The following NCAPH variants were observed in gnomAD, a reference collection of about 807,000 sequenced individuals.
The protein encoded by NCAPH is non-SMC condensin I complex subunit H, also known as condensin complex subunit 2.
In NCAPH, 38 loss-of-function variants were observed where a neutral mutation model predicts 85.5. The observed-to-expected ratio is 0.44, with a 90% CI of 0.34 to 0.58. The LOEUF is 0.58. Among genes scored for constraint, NCAPH ranks in the 20% least tolerant of loss-of-function variants. The pLI is 0.01. For synonymous variants in NCAPH, 301 were observed against 335.1 expected (o/e 0.90, Z 1.11); for missense variants, 789 against 916.6 (o/e 0.86, Z 1.80).
chr2:96,368,983 G>T lies in NCAPH; in HGVS notation c.2010G>T (p.Arg670Ser), dbSNP rs1277291110. 1.9e-6 allele frequency: 3 copies of T among 1,554,300 alleles called. No homozygotes were observed. In the Admixed American group the frequency reaches 5.9e-5, roughly 30 times the overall value. ...TGTGCTTCTGTTAGGCAAACCACAG[G>T]GAAGCTGGAAAAGAAGCGGCCCTGG... The part of the protein sequence containing the change: ...GKEADAEANH[R>S]EAGKEAALAE... The change falls in exon 16 of 18, where the codon AGG becomes AGT. Residue 670 changes from arginine to serine, a missense_variant. By Grantham distance (110) the Arg-to-Ser change is moderately radical (BLOSUM62 -1). Coordinates refer to ENST00000240423, the MANE Select transcript of NCAPH (RefSeq NM_015341.5).
chr2:96,357,458 C>T (rs1046935176), intron 9 of NCAPH, among the ~76,000 whole-genome samples: 3 of 152,122 alleles, frequency 2.0e-5, no homozygotes, highest in Admixed American at 2.0e-4. Context: ...TACTACAGTT[C>T]AAAAATCCTG....
rs555923218 is a variant in NCAPH at position 96,367,352 on chromosome 2, C to T, written c.1977C>T (p.Ser659=). 33 of 1,613,152 alleles carry T rather than the reference C, an allele frequency of 2.0e-5. No individual in the cohort carries two copies. In the South Asian group the frequency reaches 2.2e-4, roughly 11 times the overall value. ...QSMWSLLTAL[S]GKEADAEANH... ...TGTGGAGTCTGCTGACAGCGCTCTC[C>T]GGAAAGGAGGCAGATGCAGAGGTCA... Residue 659 remains serine (S), a synonymous_variant, in exon 15 of 18, where the codon TCC becomes TCT. Transcript: ENST00000240423.
chr2:96,365,772 A>G, intron 13 of NCAPH, 104 bp from the exon 14 acceptor site: 1 of 1,147,684 alleles, frequency 8.7e-7, no homozygotes, highest in Admixed American at 1.9e-5. Flanking sequence ...TGAGTGAACC[A>G]TCAGATGGTC....
chr2:96,339,308 T>C (rs2064259138), intron 1 of NCAPH, among the ~76,000 whole-genome samples: 1 of 152,114 alleles, frequency 6.6e-6, no homozygotes, highest in African/African-American at 2.4e-5. Flanking sequence ...GTAGAAGTCT[T>C]TGGGCAGGGC....
intron 7 of NCAPH, 130 bp downstream of exon 7, chr2:96,352,150 C>G (rs1016576099): frequency 3.2e-6 from 3 of 923,536 alleles, no homozygotes; most frequent in African/African-American, 1.7e-5. Context: ...CTCTGGAATG[C>G]CAAATTGTGT....
chr2:96,350,351 G>A (rs1397754653), intron 6 of NCAPH, among the ~76,000 whole-genome samples: 1 of 152,216 alleles, frequency 6.6e-6, no homozygotes, highest in African/African-American at 2.4e-5. Flanking sequence ...CAATTTCCAT[G>A]TTGGCTCTGA....
At chr2:96,372,455 C>T (rs1328493816) in intron 17 of NCAPH, among the ~76,000 whole-genome samples, 1 of 152,122 alleles carries the variant, frequency 6.6e-6, no homozygotes, top group African/African-American at 2.4e-5. Context: ...ATTTCACTTT[C>T]CATGGTTTCA....
At chr2:96,346,153 T>C (rs1055888610) in intron 6 of NCAPH, among the ~76,000 whole-genome samples, 3 of 152,126 alleles carry the variant, frequency 2.0e-5, no homozygotes, top group Non-Finnish European at 4.4e-5. Flanking sequence ...TGGGCTCGGC[T>C]GACGGGTGTT....
intron 12 of NCAPH, among the ~76,000 whole-genome samples, chr2:96,360,942 C>G (rs1223418373): frequency 6.6e-6 from 1 of 151,694 alleles, no homozygotes; most frequent in Admixed American, 6.6e-5. Flanking sequence ...ATGCTGGATA[C>G]TGAAGCCTCC....
intron 12 of NCAPH, among the ~76,000 whole-genome samples, chr2:96,363,801 A>C (rs1244335421): frequency 6.6e-6 from 1 of 152,008 alleles, no homozygotes; most frequent in Non-Finnish European, 1.5e-5. Context: ...GGAATGAGAC[A>C]GGCTGTTAAT....
intron 6 of NCAPH, among the ~76,000 whole-genome samples, chr2:96,348,347 G>T (rs1249759585): frequency 6.6e-6 from 1 of 151,866 alleles, no homozygotes. Context: ...CCGCCACCAT[G>T]CCCGGCTAAT....
chr2:96,344,034 A>G, intron 5 of NCAPH, 71 bp from the exon 6 acceptor site: 1 of 1,546,932 alleles, frequency 6.5e-7, no homozygotes, highest in Non-Finnish European at 8.7e-7. Flanking sequence ...GTTTTGAAGA[A>G]CTTGAGTTAG....
chr2:96,361,769 C>CAT lies in NCAPH; in HGVS notation c.1587+1071_1587+1072dup, dbSNP rs1215314705. Among the ~76,000 whole-genome samples the CAT allele has an allele frequency of 3.9e-3, 447 of 114,938 alleles. 4 individuals are homozygous for CAT. The highest frequency in any genetic ancestry group is 8.2e-3 in the African/African-American group (237 of 28,820). The allele number at this position is 114,938 out of a possible 152,430, so 75.4% of individuals were successfully genotyped here. On this transcript the variant is annotated intron_variant, in intron 12 of 17. Coordinates refer to ENST00000240423, the MANE Select transcript of NCAPH (RefSeq NM_015341.5). Reference sequence around the variant, plus strand: ...TTAATGATATATATATATATATATACATATATATATATACACATATATATG... The same window carrying CAT: ...TTAATGATATATATATATATATATACATATATATATATATACACATATATATG...
chr2:96,356,357 T>C (rs1401868427), intron 9 of NCAPH, among the ~76,000 whole-genome samples: 1 of 152,154 alleles, frequency 6.6e-6, no homozygotes, highest in Non-Finnish European at 1.5e-5. Flanking sequence ...GTTATCACCT[T>C]TTGCGGTCTT....
At chr2:96,368,795 A>G (rs1253319255) in intron 15 of NCAPH, among the ~76,000 whole-genome samples, 177 bp from the exon 16 acceptor site, 1 of 152,236 alleles carries the variant, frequency 6.6e-6, no homozygotes, top group Non-Finnish European at 1.5e-5. Flanking sequence ...CCACAATGTC[A>G]TTAGAGCAGA....
At position 96,365,873 on chromosome 2, in the gene NCAPH, C is replaced by G; in HGVS notation, c.1699-3C>G. 6.2e-7 allele frequency: 1 copy of G among 1,614,140 alleles called. No individual in the cohort carries two copies. The highest frequency in any genetic ancestry group is 8.5e-7 in the Non-Finnish European group (1 of 1,180,010). ...CAAACTCGAAGAGCTGTTTCTTGCC[C>G]AGGCTGCTGACAGTGATGATGAAGA... On this transcript the variant is annotated splice_polypyrimidine_tract_variant and splice_region_variant and intron_variant, in intron 13 of 17. Coordinates refer to ENST00000240423, the MANE Select transcript of NCAPH (RefSeq NM_015341.5).
chr2:96,344,976 T>C (rs2064344002), intron 6 of NCAPH, among the ~76,000 whole-genome samples: 1 of 152,208 alleles, frequency 6.6e-6, no homozygotes, highest in African/African-American at 2.4e-5. Context: ...ACTCTCCCAC[T>C]AGCAGTAGAC....
Position 96,364,516 on chromosome 2 carries a change from T to C in NCAPH, c.1623T>C (p.Thr541=), listed in dbSNP as rs199614875. 1.2e-6 allele frequency: 2 copies of C among 1,613,516 alleles called. No homozygotes were observed. Among genetic ancestry groups the C allele is most frequent in the Non-Finnish European group, 8.5e-7 (1 of 1,179,442 alleles). Residue 541 remains threonine (T), a synonymous_variant, in exon 13 of 18, where the codon ACT becomes ACC. Coordinates refer to ENST00000240423, the MANE Select transcript of NCAPH (RefSeq NM_015341.5). ...LKMAQGHRVE[T]EHYEEIEDYD... ...TGGCCCAGGGCCATAGGGTAGAGAC[T>C]GAGCATTATGAAGAAATTGAAGACT...
intron 14 of NCAPH, 110 bp downstream of exon 14, chr2:96,366,168 C>T (rs189582089): frequency 8.0e-7 from 1 of 1,246,330 alleles, no homozygotes; most frequent in African/African-American, 1.5e-5. Flanking sequence ...TCAGTTTTAA[C>T]CTGTTGCTCT....
Sources: allele counts gnomAD v4.1 joint callset (sites outside exome capture counted in the v4.1 genomes callset), GRCh38; gene constraint gnomAD v4.1.1; transcripts MANE v1.5; gene names NCBI Gene and HGNC (gene_info 2026-07-23, HGNC 2026-07-21).